TLL1: variants seen among roughly 807,000 people sequenced by gnomAD.
The protein encoded by TLL1 is tolloid like 1.
TLL1 carries 49 observed loss-of-function variants against 128.2 expected under a neutral mutation model. That is an observed-to-expected ratio of 0.38 (90% CI 0.30 to 0.48). TLL1 has a LOEUF of 0.48. Among genes scored for constraint, TLL1 ranks in the 20% least tolerant of loss-of-function variants. The pLI is 0.96. For missense variants in TLL1, 1,123 were observed against 1,242.0 expected, an observed-to-expected ratio of 0.90 and a Z score of 1.44; for synonymous variants, 454 against 418.8, an observed-to-expected ratio of 1.08 and a Z score of -1.03.
chr4:165,960,733 G>GA (rs1735057124), intron 1 of TLL1, among the ~76,000 whole-genome samples: 1 of 152,096 alleles, frequency 6.6e-6, no homozygotes, highest in African/African-American at 2.4e-5. Context: ...AATAGATGCA[G>GA]AAAAAGCTTT....
intron 8 of TLL1, among the ~76,000 whole-genome samples, chr4:166,023,669 C>T (rs1042588810): frequency 6.6e-6 from 1 of 152,106 alleles, no homozygotes; most frequent in African/African-American, 2.4e-5. Context: ...TACATGTTTC[C>T]ACTTCCTGCA....
intron 1 of TLL1, among the ~76,000 whole-genome samples, chr4:165,945,834 C>G (rs1734221730): frequency 6.6e-6 from 1 of 152,084 alleles, no homozygotes; most frequent in African/African-American, 2.4e-5. Flanking sequence ...TCAAGCTAAT[C>G]CAGGTACAGT....
At position 166,103,821 on chromosome 4, in the gene TLL1, G is replaced by A. The variant is rs1742392210; in HGVS notation, c.*2945G>A. ...TTGGTTGTGCTTTATATTTGCCAAA[G>A]TCCTAACTGACTATACATAGAAAAA... On this transcript the variant is annotated 3_prime_UTR_variant, in exon 21 of 21. Transcript: ENST00000061240. 7.5e-6 allele frequency: 1 copy of A among 133,820 alleles called. No individual in the cohort carries two copies. Among genetic ancestry groups the A allele is most frequent in the African/African-American group, 2.8e-5 (1 of 36,092 alleles). The allele number at this position is 133,820 out of a possible 1,614,324, so 8.3% of individuals were successfully genotyped here.
intron 1 of TLL1, among the ~76,000 whole-genome samples, chr4:165,912,669 G>C (rs769576039): frequency 1.1e-4 from 17 of 148,912 alleles, no homozygotes; most frequent in Non-Finnish European, 2.1e-4. Context: ...TTTCCTCCTC[G>C]TTCCATAGTT....
At chr4:166,095,706 A>T (rs1482380262) in intron 19 of TLL1, among the ~76,000 whole-genome samples, 3 of 152,260 alleles carry the variant, frequency 2.0e-5, no homozygotes, top group Middle Eastern at 3.4e-3. Flanking sequence ...CAGGAAATAA[A>T]CAAACCTGTC....
chr4:165,945,282 G>A (rs928353379), intron 1 of TLL1, among the ~76,000 whole-genome samples: 9 of 151,596 alleles, frequency 5.9e-5, no homozygotes, highest in East Asian at 1.9e-4. Context: ...AGGATCTAAC[G>A]GCAGCATATC....
Position 166,029,025 on chromosome 4 carries a change from C to T in TLL1, c.1158+3594C>T, listed in dbSNP as rs138533921. Among the ~76,000 whole-genome samples, 472 of 152,022 alleles carry T rather than the reference C, an allele frequency of 3.1e-3. 4 individuals carry two copies. Among genetic ancestry groups the T allele is most frequent in the Non-Finnish European group, 2.1e-3 (140 of 67,838 alleles). ...TTATTTTTCGTTTAACCCATGATGG[C>T]AGGTTTTGTCTTTAATTAGAGTGCT... On this transcript the variant is annotated intron_variant, in intron 9 of 20. Coordinates refer to ENST00000061240, the MANE Select transcript of TLL1 (RefSeq NM_012464.5).
At chr4:165,945,730 C>T (rs897977226) in intron 1 of TLL1, among the ~76,000 whole-genome samples, 1 of 151,894 alleles carries the variant, frequency 6.6e-6, no homozygotes, top group Non-Finnish European at 1.5e-5. Flanking sequence ...CAAAAAATGG[C>T]AGGGAATGAA....
At chr4:165,954,075 C>CT (rs1213701627) in intron 1 of TLL1, among the ~76,000 whole-genome samples, 4 of 152,090 alleles carry the variant, frequency 2.6e-5, no homozygotes, top group Middle Eastern at 3.4e-3. Context: ...TTTATTATGT[C>CT]TTTTTTGAGA....
chr4:165,931,380 C>T (rs1579502473), intron 1 of TLL1, among the ~76,000 whole-genome samples: 1 of 152,046 alleles, frequency 6.6e-6, no homozygotes, highest in East Asian at 1.9e-4. Flanking sequence ...TTTGGGTTTA[C>T]TTTTCTCATC....
chr4:166,047,526 A>G (rs1007855274), intron 12 of TLL1, among the ~76,000 whole-genome samples: 7 of 147,900 alleles, frequency 4.7e-5, no homozygotes, highest in Non-Finnish European at 9.0e-5. Context: ...ATATTATATT[A>G]TTATTCTTCA....
intron 7 of TLL1, among the ~76,000 whole-genome samples, chr4:166,012,087 T>C (rs1333788938): frequency 6.6e-6 from 1 of 151,632 alleles, no homozygotes; most frequent in Non-Finnish European, 1.5e-5. Flanking sequence ...GTAATATACA[T>C]GCTTCTGAAC....
chr4:165,996,658 C>T (rs1579598937), intron 5 of TLL1, among the ~76,000 whole-genome samples: 1 of 152,108 alleles, frequency 6.6e-6, no homozygotes, highest in Middle Eastern at 3.4e-3. Flanking sequence ...GTGCATATTC[C>T]TCACACACAA....
At chr4:166,019,322 C>T (rs1261565381) in intron 8 of TLL1, among the ~76,000 whole-genome samples, 1 of 151,940 alleles carries the variant, frequency 6.6e-6, no homozygotes. Context: ...GGGTGGGAGG[C>T]GACAAGGATT....
At chr4:165,927,118 T>C (rs1393852250) in intron 1 of TLL1, among the ~76,000 whole-genome samples, 1 of 152,178 alleles carries the variant, frequency 6.6e-6, no homozygotes, top group African/African-American at 2.4e-5. Context: ...AAATCCCAAA[T>C]TCCTAAAATG....
At chr4:165,997,387 C>A (rs765651722) in intron 5 of TLL1, among the ~76,000 whole-genome samples, 13 of 152,200 alleles carry the variant, frequency 8.5e-5, no homozygotes, top group Middle Eastern at 3.4e-3. Flanking sequence ...TGTAATTGTT[C>A]ATTGAGAACC....
chr4:165,999,164 A>G (rs1737032192), intron 5 of TLL1, among the ~76,000 whole-genome samples: 1 of 151,954 alleles, frequency 6.6e-6, no homozygotes, highest in Non-Finnish European at 1.5e-5. Flanking sequence ...AACTGTACCA[A>G]CCACTGCCCG....
At chr4:165,896,457 AT>A (rs1245299058) in intron 1 of TLL1, among the ~76,000 whole-genome samples, 1 of 143,966 alleles carries the variant, frequency 6.9e-6, no homozygotes, top group African/African-American at 2.6e-5. Flanking sequence ...CAGTAACGAG[AT>A]TGCTGGGTCA....
At chr4:166,052,652 T>C (rs947547055) in intron 12 of TLL1, among the ~76,000 whole-genome samples, 14 of 152,104 alleles carry the variant, frequency 9.2e-5, no homozygotes, top group African/African-American at 3.1e-4. Flanking sequence ...CTTCATTGTG[T>C]ATTCTCAATT....
Sources: gnomAD v4.1 joint callset for allele counts (sites outside exome capture counted in the v4.1 genomes callset) on GRCh38, gnomAD v4.1.1 for gene constraint, MANE v1.5 for transcripts, NCBI Gene and HGNC (gene_info 2026-07-23, HGNC 2026-07-21) for gene names.